ANKRD44: variants seen among roughly 807,000 people sequenced by gnomAD.
ANKRD44 encodes serine/threonine-protein phosphatase 6 regulatory ankyrin repeat subunit B.
Under a neutral mutation model 116.0 loss-of-function variants are expected in ANKRD44, and 35 were observed. The ratio of observed to expected loss-of-function variants is 0.30; its 90% CI spans 0.23 to 0.40. The LOEUF is 0.40. ANKRD44 is among the 10% of genes least tolerant of loss of function. ANKRD44 has a pLI of 1.00. For missense variants in ANKRD44, 1,014 were observed against 1,242.6 expected, an observed-to-expected ratio of 0.82 and a Z score of 2.77; for synonymous variants, 435 against 461.8, an observed-to-expected ratio of 0.94 and a Z score of 0.74.
intron 1 of ANKRD44, among the ~76,000 whole-genome samples, chr2:197,269,132 A>C (rs186656925): frequency 2.6e-5 from 4 of 152,012 alleles, no homozygotes; most frequent in Admixed American, 2.6e-4. Flanking sequence ...ATTCATGAAG[A>C]TATATACTTA....
intron 18 of ANKRD44, among the ~76,000 whole-genome samples, chr2:197,009,702 G>C (rs2076262641): frequency 2.0e-5 from 3 of 152,120 alleles, no homozygotes; most frequent in African/African-American, 7.2e-5. Flanking sequence ...CAAATCAGTG[G>C]TTTTCCATTG....
chr2:196,977,410 A>G (rs1281229012), intron 21 of ANKRD44, among the ~76,000 whole-genome samples: 1 of 152,240 alleles, frequency 6.6e-6, no homozygotes, highest in African/African-American at 2.4e-5. Context: ...AAAGGAAAAA[A>G]CGACCCATGG....
intron 16 of ANKRD44, among the ~76,000 whole-genome samples, chr2:197,050,499 T>C (rs2077087188): frequency 6.6e-6 from 1 of 151,070 alleles, no homozygotes; most frequent in South Asian, 2.1e-4. Context: ...CTCGGCTCAC[T>C]GCAGCCTCCA....
At chr2:196,992,026 A>G (rs1333307060) in intron 27 of ANKRD44, among the ~76,000 whole-genome samples, 3 of 152,246 alleles carry the variant, frequency 2.0e-5, no homozygotes, top group Non-Finnish European at 4.4e-5. Flanking sequence ...TCCAATCCAG[A>G]TAAGAAAACT....
chr2:197,225,696 C>A (rs781763435), intron 1 of ANKRD44, among the ~76,000 whole-genome samples: 2 of 138,862 alleles, frequency 1.4e-5, no homozygotes, highest in Non-Finnish European at 2.9e-5. Flanking sequence ...AAATCTGATT[C>A]CCAAGGAAGA....
chr2:197,171,561 A>C (rs990172931), intron 2 of ANKRD44, among the ~76,000 whole-genome samples: 1 of 152,228 alleles, frequency 6.6e-6, no homozygotes, highest in African/African-American at 2.4e-5. Context: ...GGGAGAACAA[A>C]AGGGATTTTT....
chr2:197,208,321 A>C (rs2712902), intron 1 of ANKRD44, among the ~76,000 whole-genome samples: 136,890 of 152,130 alleles, frequency 0.9, 62,411 homozygotes, highest in East Asian at 1. Context: ...GAAGGCTTAT[A>C]TGATGATCCA....
At chr2:197,017,222 A>C (rs925533515) in intron 17 of ANKRD44, among the ~76,000 whole-genome samples, 37 of 152,214 alleles carry the variant, frequency 2.4e-4, no homozygotes, top group African/African-American at 8.0e-4. Context: ...AACAGTACTT[A>C]AAGCATGATC....
rs1036288860 is a variant in ANKRD44 at position 197,187,101 on chromosome 2, T to C, written c.33A>G (p.Pro11=). The change falls in exon 2 of 28, where the codon CCA becomes CCG. Residue 11 remains proline (P), a synonymous_variant. Coordinates refer to ENST00000282272, the MANE Select transcript of ANKRD44 (RefSeq NM_001195144.2). MAVLKLTDQP[P]LVQAIFSGDP... is the part of the protein sequence containing the mutation. ...CACCGCTGAAGATTGCCTGAACCAA[T>C]GGTGGCTGCAAACACAAGAGAATGG... The C allele has an allele frequency of 1.2e-6, 2 of 1,614,092 alleles. No individual in the cohort carries two copies. The highest frequency in any genetic ancestry group is 3.3e-5 in the Admixed American group (2 of 60,014).
intron 10 of ANKRD44, among the ~76,000 whole-genome samples, chr2:197,093,636 T>C (rs1010706659): frequency 6.6e-6 from 1 of 152,190 alleles, no homozygotes; most frequent in African/African-American, 2.4e-5. Context: ...AAGTTTCAAG[T>C]CAAGATTGGA....
intron 3 of ANKRD44, among the ~76,000 whole-genome samples, chr2:197,138,904 C>T (rs1275652968): frequency 1.3e-5 from 2 of 152,064 alleles, no homozygotes; most frequent in Non-Finnish European, 2.9e-5. Flanking sequence ...CAAGTAGAAA[C>T]CCAAATGTCA....
At chr2:197,099,748 C>T (rs929907103) in intron 10 of ANKRD44, 68 bp downstream of exon 10, 166 of 1,592,928 alleles carry the variant, frequency 1.0e-4, no homozygotes, top group Non-Finnish European at 1.2e-4. Context: ...ATCTACTGCA[C>T]GGAAGAATCT....
chr2:196,976,112 A>G (rs2075758480), intron 21 of ANKRD44, among the ~76,000 whole-genome samples: 1 of 152,094 alleles, frequency 6.6e-6, no homozygotes, highest in South Asian at 2.1e-4. Flanking sequence ...GACATTTGTG[A>G]AAAACCCATG....
intron 1 of ANKRD44, among the ~76,000 whole-genome samples, chr2:197,204,548 T>A (rs531941641): frequency 1.3e-5 from 2 of 152,278 alleles, no homozygotes; most frequent in African/African-American, 4.8e-5. Flanking sequence ...GCTGCAACAA[T>A]CTGGAGAATT....
intron 16 of ANKRD44, among the ~76,000 whole-genome samples, chr2:197,069,460 G>T (rs1321799596): frequency 6.6e-6 from 1 of 151,846 alleles, no homozygotes; most frequent in Non-Finnish European, 1.5e-5. Flanking sequence ...AAAAAAAATT[G>T]ACCTTCTCTT....
intron 16 of ANKRD44, among the ~76,000 whole-genome samples, chr2:197,070,806 TAG>T (rs2077543665): frequency 6.6e-6 from 1 of 152,208 alleles, no homozygotes; most frequent in African/African-American, 2.4e-5. Flanking sequence ...AAAGACTGTG[TAG>T]AATTATGTTA....
intron 21 of ANKRD44, among the ~76,000 whole-genome samples, chr2:197,002,222 ACATTATG>A (rs1215691614): frequency 1.3e-5 from 2 of 152,226 alleles, no homozygotes; most frequent in African/African-American, 4.8e-5. Flanking sequence ...ACTTCCACTT[ACATTATG>A]CATTCTAGTG....
intron 15 of ANKRD44, among the ~76,000 whole-genome samples, chr2:197,079,085 T>C (rs2125128211): frequency 6.6e-6 from 1 of 152,074 alleles, no homozygotes; most frequent in South Asian, 2.1e-4. Flanking sequence ...GTAATTACGA[T>C]TTTTTTCTCC....
At chr2:196,998,038 G>A (rs985071663) in intron 25 of ANKRD44, among the ~76,000 whole-genome samples, 1 of 152,122 alleles carries the variant, frequency 6.6e-6, no homozygotes, top group Admixed American at 6.6e-5. Context: ...ACAACAACCA[G>A]AGAGACAGAT....
Sources: allele counts gnomAD v4.1 joint callset (sites outside exome capture counted in the v4.1 genomes callset), GRCh38; gene constraint gnomAD v4.1.1; transcripts MANE v1.5; gene names NCBI Gene and HGNC (gene_info 2026-07-23, HGNC 2026-07-21).